Variants in SHISA9 observed in about 807,000 individuals in gnomAD.
The protein encoded by SHISA9 is protein shisa-9.
SHISA9 carries 13 observed loss-of-function variants against 38.0 expected under a neutral mutation model. The ratio of observed to expected loss-of-function variants is 0.34; its 90% confidence interval spans 0.22 to 0.54. The LOEUF is 0.54. Among genes scored for constraint, SHISA9 ranks in the 20% least tolerant of loss-of-function variants. The pLI is 0.91. For synonymous variants in SHISA9, 275 were observed against 242.0 expected (o/e 1.14, Z -1.27); for missense variants, 538 against 575.8 (o/e 0.93, Z 0.67).
At chr16:13,325,450 G>T in the SHISA9 span, among the ~76,000 whole-genome samples, 2 of 152,158 alleles carry the variant, frequency 1.3e-5, no homozygotes, top group Non-Finnish European at 2.9e-5. Flanking sequence ...TAGTTTTTCA[G>T]GTTTCTTTAG....
intron 2 of SHISA9, among the ~76,000 whole-genome samples, chr16:13,149,174 C>G (rs1398541124): frequency 6.6e-6 from 1 of 152,144 alleles, no homozygotes; most frequent in Non-Finnish European, 1.5e-5. Flanking sequence ...GAGGCCCAGA[C>G]CAACATCTGA....
the SHISA9 span, among the ~76,000 whole-genome samples, chr16:13,493,294 G>A: frequency 1.1e-3 from 164 of 152,286 alleles, no homozygotes; most frequent in African/African-American, 3.8e-3. Flanking sequence ...AGATTTCTGG[G>A]TAATGAGGGT....
At chr16:13,107,889 A>T (rs1399249934) in intron 2 of SHISA9, among the ~76,000 whole-genome samples, 1 of 152,112 alleles carries the variant, frequency 6.6e-6, no homozygotes, top group African/African-American at 2.4e-5. Context: ...GAGGATATGA[A>T]TTGGGGTCTA....
At chr16:13,098,666 T>C (rs1479739115) in intron 2 of SHISA9, among the ~76,000 whole-genome samples, 1 of 152,236 alleles carries the variant, frequency 6.6e-6, no homozygotes, top group Admixed American at 6.5e-5. Flanking sequence ...GGAGGCAGGA[T>C]GTCCAAAGAT....
intron 2 of SHISA9, among the ~76,000 whole-genome samples, chr16:13,058,746 T>A (rs1407589910): frequency 6.7e-6 from 1 of 148,726 alleles, no homozygotes; most frequent in African/African-American, 2.6e-5. Context: ...AGTGGTGTGG[T>A]GTATTTGTGT....
chr16:13,251,359 C>T, the SHISA9 span, among the ~76,000 whole-genome samples: 1 of 152,176 alleles, frequency 6.6e-6, no homozygotes, highest in African/African-American at 2.4e-5. Flanking sequence ...GCCATGACAA[C>T]CAGCTATGCA....
At chr16:12,975,933 T>G (rs1219551461) in intron 2 of SHISA9, among the ~76,000 whole-genome samples, 1 of 152,130 alleles carries the variant, frequency 6.6e-6, no homozygotes, top group African/African-American at 2.4e-5. Flanking sequence ...AGTTAAATTT[T>G]AATTCATCAG....
the SHISA9 span, among the ~76,000 whole-genome samples, chr16:13,445,542 T>TA: frequency 2.0e-5 from 3 of 152,226 alleles, no homozygotes; most frequent in African/African-American, 7.2e-5. Context: ...CTGTTATTCT[T>TA]AGAGGTGAAT....
At chr16:13,015,974 CCCTTCCCTTCCCT>C (rs1399803368) in intron 2 of SHISA9, among the ~76,000 whole-genome samples, 1 of 49,840 alleles carries the variant, frequency 2.0e-5, no homozygotes. Flanking sequence ...CCCTTCCCTT[CCCTTCCCTTCCCT>C]TCTTTTCTTT....
At chr16:13,471,311 T>C in the SHISA9 span, among the ~76,000 whole-genome samples, 1 of 152,210 alleles carries the variant, frequency 6.6e-6, no homozygotes, top group Non-Finnish European at 1.5e-5. Context: ...TGCTACATTG[T>C]ATAACATTTT....
chr16:13,435,749 T>C, the SHISA9 span, among the ~76,000 whole-genome samples: 6 of 152,190 alleles, frequency 3.9e-5, no homozygotes, highest in Admixed American at 2.6e-4. Context: ...AAGGCTGCTG[T>C]GCTGGGAGAC....
chr16:13,333,043 G>A, the SHISA9 span, among the ~76,000 whole-genome samples: 13 of 152,176 alleles, frequency 8.5e-5, no homozygotes, highest in African/African-American at 2.7e-4. Flanking sequence ...GTCCTCTGCC[G>A]TGCCCGTCGA....
At chr16:13,543,317 C>T in the SHISA9 span, among the ~76,000 whole-genome samples, 1 of 152,154 alleles carries the variant, frequency 6.6e-6, no homozygotes, top group Non-Finnish European at 1.5e-5. Flanking sequence ...TGGTAGGGCT[C>T]TTGAAGAGGG....
At chr16:12,921,476 T>A (rs903203978) in intron 2 of SHISA9, among the ~76,000 whole-genome samples, 1 of 152,148 alleles carries the variant, frequency 6.6e-6, no homozygotes, top group Non-Finnish European at 1.5e-5. Flanking sequence ...TTTTAACATA[T>A]TTGGGAGATT....
At chr16:13,190,061 G>A (rs1049957001) in intron 2 of SHISA9, among the ~76,000 whole-genome samples, 2 of 150,292 alleles carry the variant, frequency 1.3e-5, no homozygotes, top group African/African-American at 5.0e-5. Context: ...GGCTGCTGTG[G>A]GCATAAAACA....
chr16:13,010,162 G>A (rs1203113568), intron 2 of SHISA9, among the ~76,000 whole-genome samples: 2 of 152,062 alleles, frequency 1.3e-5, no homozygotes, highest in Non-Finnish European at 1.5e-5. Context: ...GGGTAACAGC[G>A]AAATCTTGTC....
At chr16:13,534,939 C>T in the SHISA9 span, among the ~76,000 whole-genome samples, 1 of 151,976 alleles carries the variant, frequency 6.6e-6, no homozygotes, top group Non-Finnish European at 1.5e-5. Context: ...TGCTCGCCAA[C>T]CTTTCCACAA....
intron 2 of SHISA9, among the ~76,000 whole-genome samples, chr16:12,964,801 A>C (rs763835665): frequency 3.4e-4 from 51 of 152,150 alleles, no homozygotes; most frequent in Non-Finnish European, 6.2e-4. Flanking sequence ...GTTTCCCTCC[A>C]CAGTAAGCAT....
chr16:13,194,789 T>C (rs1330368038), intron 2 of SHISA9, among the ~76,000 whole-genome samples: 1 of 152,238 alleles, frequency 6.6e-6, no homozygotes, highest in Non-Finnish European at 1.5e-5. Flanking sequence ...TTCTAGTTGA[T>C]AAAGTTGTGT....
Sources: allele counts gnomAD v4.1 joint callset (sites outside exome capture counted in the v4.1 genomes callset), GRCh38; gene constraint gnomAD v4.1.1; transcripts MANE v1.5; gene names NCBI Gene and HGNC (gene_info 2026-07-23, HGNC 2026-07-21).